USP42: variants seen among roughly 807,000 people sequenced by gnomAD.
The protein encoded by USP42 is ubiquitin carboxyl-terminal hydrolase 42.
In USP42, 23 loss-of-function variants were observed where a neutral mutation model predicts 113.0. The ratio of observed to expected loss-of-function variants is 0.20; its 90% CI spans 0.15 to 0.29. The LOEUF is 0.29. USP42 is among the 10% of genes least tolerant of loss of function. USP42 has a pLI of 1.00. For missense variants in USP42, 2,174 were observed against 1,779.8 expected (o/e 1.22, Z -3.99); for synonymous variants, 933 against 699.0 (o/e 1.33, Z -5.28).
In USP42 at chr7:6,156,807, G is replaced by A. The variant is rs1020193863; in HGVS notation, c.3695G>A (p.Arg1232Lys). Reference sequence around the variant, plus strand: ...GCGTGCTCTGACGCTGACCTCCACAGACACAAAAAAAAGAAGAAGAAAAAG... The same window carrying A: ...GCGTGCTCTGACGCTGACCTCCACAAACACAAAAAAAAGAAGAAGAAAAAG... ...SAACSDADLH[R>K]HKKKKKKKKR... Residue 1232 changes from arginine (R) to lysine (K), a missense_variant, in exon 16 of 18, where the codon AGA (arginine) becomes AAA (lysine). By Grantham distance (26) the Arg-to-Lys change is conservative. Coordinates refer to ENST00000306177, the MANE Select transcript of USP42 (RefSeq NM_032172.3). The A allele has an allele frequency of 6.2e-7, 1 of 1,604,868 alleles. No individual in the cohort carries two copies.
At chr7:6,101,723 C>T (rs1353850915), upstream of USP42, among the ~76,000 whole-genome samples, 5 of 150,996 alleles carry the variant, frequency 3.3e-5, 1 homozygote, top group African/African-American at 1.2e-4. Context: ...GGTGTAACCC[C>T]CCATCCCCTC....
rs1279177840 is a variant in USP42, at chr7:6,161,039, T to G, written c.*521T>G. Reference sequence around the variant, plus strand: ...GTCTGATACTAGAAACTAATTTGCTTATTTTAGTTGTATTCAAGATTTGAA... The same window carrying G: ...GTCTGATACTAGAAACTAATTTGCTGATTTTAGTTGTATTCAAGATTTGAA... On this transcript the variant is annotated 3_prime_UTR_variant, in exon 18 of 18. Coordinates refer to ENST00000306177, the MANE Select transcript of USP42 (RefSeq NM_032172.3). 6.5e-6 allele frequency: 1 copy of G among 152,686 alleles called. No individual in the cohort carries two copies. Among genetic ancestry groups the G allele is most frequent in the Non-Finnish European group, 1.5e-5 (1 of 68,050 alleles). 9.5% of individuals were successfully genotyped at this position (152,686 alleles called of 1,614,324 possible).
At chr7:6,107,474 A>G (rs960596707) in intron 1 of USP42, among the ~76,000 whole-genome samples, 15 of 144,924 alleles carry the variant, frequency 1.0e-4, no homozygotes, top group African/African-American at 3.6e-4. Flanking sequence ...CAATGGCGCG[A>G]TCTCGGCTCA....
At chr7:6,145,777 A>T in intron 10 of USP42, 121 bp downstream of exon 10, 1 of 1,188,134 alleles carries the variant, frequency 8.4e-7, no homozygotes, top group Non-Finnish European at 1.2e-6. Flanking sequence ...CGAGGTAAAA[A>T]TATTTCTCTT....
At chr7:6,095,408 G>T in the USP42 span, among the ~76,000 whole-genome samples, 1 of 151,202 alleles carries the variant, frequency 6.6e-6, no homozygotes, top group African/African-American at 2.5e-5. Flanking sequence ...GGTGGCTCAC[G>T]CCTGTAATCC....
At chr7:6,092,038 CTT>C in the USP42 span, among the ~76,000 whole-genome samples, 6 of 103,870 alleles carry the variant, frequency 5.8e-5, no homozygotes, top group East Asian at 2.2e-4. Context: ...TCTTCTTCTT[CTT>C]CTTCTTCTTC....
chr7:6,119,364 G>A (rs1780088734), intron 3 of USP42, among the ~76,000 whole-genome samples: 1 of 152,126 alleles, frequency 6.6e-6, no homozygotes, highest in Non-Finnish European at 1.5e-5. Context: ...CTGGCTACTT[G>A]GGAGACTGAG....
rs1325966644 is a variant in USP42, at chr7:6,159,792, A to G, written c.*36+299A>G. 6.6e-6 allele frequency among the ~76,000 whole-genome samples: 1 copy of G among 152,232 alleles called. No individual in the cohort carries two copies. Among genetic ancestry groups the G allele is most frequent in the Admixed American group, 6.5e-5 (1 of 15,292 alleles). ...CTTGGGAAAAGCCAACCCGGCTCAC[A>G]GCGGCAGAGCCCACGGGCCTTTGAT... On this transcript the variant is annotated intron_variant, in intron 17 of 17. Transcript: ENST00000306177. The surrounding 1 kb of genome is among the most constrained non-coding windows in gnomAD (Gnocchi z 4.1).
At chr7:6,135,051 G>C (rs971632102) in intron 3 of USP42, among the ~76,000 whole-genome samples, 3 of 152,166 alleles carry the variant, frequency 2.0e-5, no homozygotes, top group African/African-American at 7.2e-5. Context: ...CAGCTTCCCA[G>C]AGTGCTGAGA....
intron 4 of USP42, among the ~76,000 whole-genome samples, chr7:6,137,983 A>G (rs925035601): frequency 6.6e-6 from 1 of 152,126 alleles, no homozygotes; most frequent in Non-Finnish European, 1.5e-5. Context: ...CCGACCACAT[A>G]TATTTATTTT....
chr7:6,116,506 C>G (rs966966110), intron 3 of USP42: 1 of 244,772 alleles, frequency 4.1e-6, no homozygotes. Context: ...ATTAATGGCT[C>G]AGATTCATGT....
At chr7:6,109,064 G>T (rs535055865) in intron 1 of USP42, among the ~76,000 whole-genome samples, 1 of 152,330 alleles carries the variant, frequency 6.6e-6, no homozygotes, top group South Asian at 2.1e-4. Flanking sequence ...AGGGTGCTGT[G>T]GGGGCCTTGA....
chr7:6,146,336 T>TAAA, intron 11 of USP42, 88 bp downstream of exon 11: 8 of 781,804 alleles, frequency 1.0e-5, no homozygotes, highest in African/African-American at 4.1e-5. Context: ...ATTCAGTGTT[T>TAAA]TAAAAAAAAA....
chr7:6,142,848 C>T, intron 7 of USP42, 84 bp from the exon 8 acceptor site: 1 of 1,316,382 alleles, frequency 7.6e-7, no homozygotes, highest in South Asian at 1.2e-5. Flanking sequence ...TGTGCCACTG[C>T]ACTCCAGCCT....
intron 2 of USP42, 149 bp from the exon 3 acceptor site, chr7:6,115,174 T>C: frequency 2.7e-6 from 2 of 739,608 alleles, no homozygotes; most frequent in Non-Finnish European, 4.4e-6. Flanking sequence ...TTTCTGTCTT[T>C]TAAAATGTCC....
chr7:6,123,545 C>G (rs972878582), intron 3 of USP42, among the ~76,000 whole-genome samples: 1 of 152,012 alleles, frequency 6.6e-6, no homozygotes, highest in Non-Finnish European at 1.5e-5. Context: ...GCCTGTAGTC[C>G]CAGCTACTCG....
At chr7:6,120,302 C>G (rs1780147720) in intron 3 of USP42, among the ~76,000 whole-genome samples, 1 of 151,934 alleles carries the variant, frequency 6.6e-6, no homozygotes, top group African/African-American at 2.4e-5. Context: ...GAGTGCAGTG[C>G]CACTATCTCC....
At chr7:6,107,977 A>G (rs1283654848) in intron 1 of USP42, among the ~76,000 whole-genome samples, 1 of 152,050 alleles carries the variant, frequency 6.6e-6, no homozygotes, top group Admixed American at 6.6e-5. Context: ...TACCCTAGTT[A>G]AAAATTACAC....
chr7:6,154,543 G>C lies in USP42; in HGVS notation c.2989G>C (p.Glu997Gln). The change falls in exon 15 of 18, where the codon GAG becomes CAG. Residue 997 changes from glutamate (E) to glutamine (Q), a missense_variant. By Grantham distance (29) the Glu-to-Gln change is conservative. Coordinates refer to ENST00000306177, the MANE Select transcript of USP42 (RefSeq NM_032172.3). ...CGACCGCCAGGACCGCCACGCCCCG[G>C]AGCACCACCCCGGCCACGGCGACAG... Reference protein sequence around the residue: ...ERDRQDRHAPEHHPGHGDRLS... With the variant: ...ERDRQDRHAPQHHPGHGDRLS... The C allele has an allele frequency of 1.3e-6, 2 of 1,546,480 alleles. No homozygotes were observed. The highest frequency in any genetic ancestry group is 1.7e-6 in the Non-Finnish European group (2 of 1,147,054).
Sources: allele counts gnomAD v4.1 joint callset (sites outside exome capture counted in the v4.1 genomes callset), GRCh38; gene constraint gnomAD v4.1.1; non-coding constraint Gnocchi (gnomAD v3.1); transcripts MANE v1.5; gene names NCBI Gene and HGNC (gene_info 2026-07-23, HGNC 2026-07-21).